The following RHOBTB1 variants were observed in gnomAD, a reference collection of about 807,000 sequenced individuals.
The protein encoded by RHOBTB1 is Rho related BTB domain containing 1.
In RHOBTB1, 40 loss-of-function variants were observed where a neutral mutation model predicts 71.6. That is an observed-to-expected ratio of 0.56 (90% CI 0.43 to 0.73). The LOEUF (loss-of-function observed/expected upper bound fraction) is 0.73, where lower values mean the gene tolerates loss of function less well. Among genes scored for constraint, RHOBTB1 ranks in the 30% least tolerant of loss-of-function variants. RHOBTB1 has a pLI of 0.00. For missense variants in RHOBTB1, 797 were observed against 894.0 expected, an observed-to-expected ratio of 0.89 and a Z score of 1.38; for synonymous variants, 319 against 334.9, an observed-to-expected ratio of 0.95 and a Z score of 0.52.
chr10:60,912,408 A>AT (rs2083041169), intron 2 of RHOBTB1, among the ~76,000 whole-genome samples: 1 of 151,838 alleles, frequency 6.6e-6, no homozygotes, highest in Non-Finnish European at 1.5e-5. Context: ...TAATTTTTAT[A>AT]TTTTTAGTAG....
At chr10:60,885,876 C>T (rs1350776261) in intron 7 of RHOBTB1, among the ~76,000 whole-genome samples, 1 of 152,198 alleles carries the variant, frequency 6.6e-6, no homozygotes, top group Admixed American at 6.5e-5. Flanking sequence ...GGTGCCCCCA[C>T]ACCAGTGACC....
chr10:60,909,942 C>A (rs2082882554), intron 4 of RHOBTB1, among the ~76,000 whole-genome samples: 1 of 152,106 alleles, frequency 6.6e-6, no homozygotes, highest in Non-Finnish European at 1.5e-5. Flanking sequence ...CAATAAAAGT[C>A]CGTTCAAAGA....
chr10:60,878,130 C>T (rs2081133154), intron 7 of RHOBTB1, 72 bp from the exon 8 acceptor site: 1 of 1,218,298 alleles, frequency 8.2e-7, no homozygotes, highest in Non-Finnish European at 1.2e-6. Flanking sequence ...GGCTATGCTG[C>T]TTATAAATAT....
intron 2 of RHOBTB1, among the ~76,000 whole-genome samples, chr10:60,952,471 G>A (rs993282111): frequency 3.9e-5 from 6 of 152,158 alleles, no homozygotes; most frequent in Non-Finnish European, 5.9e-5. Context: ...TCCTCACAAT[G>A]ACTTAATGAA....
intron 2 of RHOBTB1, among the ~76,000 whole-genome samples, chr10:60,918,254 T>C (rs1376071644): frequency 1.3e-5 from 2 of 152,126 alleles, no homozygotes; most frequent in South Asian, 2.1e-4. Flanking sequence ...ATTGGAAAAA[T>C]AGGGACAGAG....
In RHOBTB1 at chr10:60,975,486, G is replaced by A. The variant is rs185565626; in HGVS notation, c.-62+10359C>T. 4.2e-3 allele frequency among the ~76,000 whole-genome samples: 644 copies of A among 152,180 alleles called. 1 individual carries two copies. The highest frequency in any genetic ancestry group is 7.1e-3 in the Non-Finnish European group (481 of 67,974). On this transcript the variant is annotated intron_variant, in intron 2 of 11. Coordinates refer to the RHOBTB1 transcript ENST00000357917. ...TGTTTACTCATAAGAGTTTTTAAGTGATGTGTAAACTAAATGCTGAAATTT... is the reference window on the plus strand; with the variant it reads ...TGTTTACTCATAAGAGTTTTTAAGTAATGTGTAAACTAAATGCTGAAATTT...
At chr10:60,891,856 T>C (rs1279215051) in intron 5 of RHOBTB1, among the ~76,000 whole-genome samples, 1 of 152,180 alleles carries the variant, frequency 6.6e-6, no homozygotes, top group Non-Finnish European at 1.5e-5. Flanking sequence ...TCCCCATGTG[T>C]CACGGGAGGG....
At chr10:60,985,579 T>C (rs566311204) in intron 2 of RHOBTB1, among the ~76,000 whole-genome samples, 1 of 152,284 alleles carries the variant, frequency 6.6e-6, no homozygotes, top group South Asian at 2.1e-4. Context: ...GATAGAAGAG[T>C]TATGTTATTT....
At chr10:60,937,174 C>T (rs979307888) in intron 2 of RHOBTB1, among the ~76,000 whole-genome samples, 4 of 152,164 alleles carry the variant, frequency 2.6e-5, no homozygotes, top group African/African-American at 9.7e-5. Flanking sequence ...CAAAGCAGGG[C>T]AGCAAGTGCC....
At chr10:60,861,982 T>C in the RHOBTB1 span, among the ~76,000 whole-genome samples, 1 of 152,156 alleles carries the variant, frequency 6.6e-6, no homozygotes, top group Non-Finnish European at 1.5e-5. Flanking sequence ...CAGTTGGAGC[T>C]GGAGAAGATC....
chr10:60,925,011 T>A (rs146434511), intron 2 of RHOBTB1, among the ~76,000 whole-genome samples: 1 of 152,304 alleles, frequency 6.6e-6, no homozygotes, highest in Non-Finnish European at 1.5e-5. Context: ...GCTTGAGCCA[T>A]CCTCTTGGTG....
intron 2 of RHOBTB1, among the ~76,000 whole-genome samples, chr10:60,953,969 ATTTAC>A (rs1416921924): frequency 1.8e-5 from 2 of 110,892 alleles, no homozygotes; most frequent in Middle Eastern, 5.2e-3. Context: ...TAAGCTTTAA[ATTTAC>A]TTTAACTCTA....
intron 4 of RHOBTB1, among the ~76,000 whole-genome samples, chr10:60,907,819 A>C: frequency 6.6e-6 from 1 of 152,138 alleles, no homozygotes; most frequent in East Asian, 1.9e-4. Flanking sequence ...GCACAGTGGA[A>C]AGAGTGAGAG....
rs1253104192 is a variant in RHOBTB1 at position 60,877,997 on chromosome 10, T to C, written c.1637A>G (p.Lys546Arg). ...CAGATCCAAGTTAGGAGACAACTGC[T>C]TGGTATAGAGATAATCCAATACTGC... Reference protein sequence around the residue: ...MQAVLDYLYTKQLSPNLDLDP... With the variant: ...MQAVLDYLYTRQLSPNLDLDP... The change falls in exon 8 of 11, where the codon AAG becomes AGG. Residue 546 changes from lysine to arginine, a missense_variant. This residue lies in a region of RHOBTB1 where 658 missense variants were observed against 681.5 expected (regional missense o/e 0.97). Transcript: ENST00000337910. 6.2e-7 allele frequency: 1 copy of C among 1,613,536 alleles called. No individual in the cohort carries two copies.
chr10:60,999,869 T>C (rs573330699), intron 1 of RHOBTB1, among the ~76,000 whole-genome samples: 9 of 152,354 alleles, frequency 5.9e-5, no homozygotes, highest in Non-Finnish European at 1.2e-4. Context: ...CCATTTCATA[T>C]ACAGCTTTTT....
intron 2 of RHOBTB1, among the ~76,000 whole-genome samples, chr10:60,949,620 A>T (rs1000561801): frequency 1.3e-5 from 2 of 148,584 alleles, no homozygotes; most frequent in African/African-American, 4.9e-5. Flanking sequence ...TTAGGTTTGC[A>T]GTCCAGTTAT....
chr10:60,933,551 C>T (rs1360271293), intron 2 of RHOBTB1, among the ~76,000 whole-genome samples: 1 of 151,896 alleles, frequency 6.6e-6, no homozygotes, highest in African/African-American at 2.4e-5. Flanking sequence ...GAAACTTAGT[C>T]TCTACTAAAA....
chr10:60,952,085 G>T (rs1456955531), intron 2 of RHOBTB1, among the ~76,000 whole-genome samples: 1 of 149,280 alleles, frequency 6.7e-6, no homozygotes, highest in East Asian at 2.0e-4. Context: ...AAAAAGAACG[G>T]TACATGATAA....
At chr10:60,920,683 T>A (rs1040055384) in intron 2 of RHOBTB1, among the ~76,000 whole-genome samples, 9 of 151,878 alleles carry the variant, frequency 5.9e-5, no homozygotes, top group African/African-American at 1.9e-4. Flanking sequence ...CAAAGCTTGC[T>A]CTGTCACCCA....
Sources: gnomAD v4.1 joint callset for allele counts (sites outside exome capture counted in the v4.1 genomes callset) on GRCh38, gnomAD v4.1.1 for gene constraint, gnomAD v4.1.1 regional missense constraint, MANE v1.5 for transcripts, NCBI Gene and HGNC (gene_info 2026-07-23, HGNC 2026-07-21) for gene names.